The following FBXO21 variants were observed in gnomAD, a reference collection of about 807,000 sequenced individuals.
FBXO21 encodes the protein F-box only protein 21.
A neutral mutation model predicts 76.6 loss-of-function variants in FBXO21; 32 were observed. That is an observed-to-expected ratio of 0.42 (90% CI 0.32 to 0.56). The LOEUF (loss-of-function observed/expected upper bound fraction) is 0.56, where lower values mean the gene tolerates loss of function less well. FBXO21 is among the 20% of genes least tolerant of loss of function. The pLI is 0.16. For missense variants in FBXO21, 586 were observed against 797.3 expected (o/e 0.73, Z 3.19); for synonymous variants, 328 against 311.5 (o/e 1.05, Z -0.56).
chr12:117,172,732 G>T, intron 6 of FBXO21, 125 bp from the exon 7 acceptor site: 2 of 953,504 alleles, frequency 2.1e-6, no homozygotes, highest in Non-Finnish European at 3.0e-6. Flanking sequence ...GCTTAAGTGA[G>T]TATTTCACTT....
Position 117,177,502 on chromosome 12 carries a change from A to T in FBXO21, c.592+18T>A, listed in dbSNP as rs774501635. On this transcript the variant is annotated intron_variant, in intron 4 of 11. Coordinates refer to ENST00000622495, the MANE Select transcript of FBXO21 (RefSeq NM_015002.3). ...CCTACAGAAATACTACTGTCCACAT[A>T]TATGGGAAAAGACCCACCTTCAAGA... 4.3e-6 allele frequency: 7 copies of T among 1,609,280 alleles called. No homozygotes were observed. The highest frequency in any genetic ancestry group is 1.7e-4 in the Middle Eastern group (1 of 6,034).
At position 117,144,500 on chromosome 12, in the gene FBXO21, T is replaced by C. The variant is rs999590541; in HGVS notation, c.*1587A>G. On this transcript the variant is annotated 3_prime_UTR_variant, in exon 12 of 12. Coordinates refer to ENST00000622495, the MANE Select transcript of FBXO21 (RefSeq NM_015002.3). ...TCCCTTGCTATGAAGTGGTCTCAGGTGGCTTTCCAAACCTTGGTCACCCCA... is the reference window on the plus strand; with the variant it reads ...TCCCTTGCTATGAAGTGGTCTCAGGCGGCTTTCCAAACCTTGGTCACCCCA... 2.6e-5 allele frequency: 4 copies of C among 152,216 alleles called. No individual in the cohort carries two copies. The highest frequency in any genetic ancestry group is 9.7e-5 in the African/African-American group (4 of 41,442). The allele number at this position is 152,216 out of a possible 1,614,324, so 9.4% of individuals were successfully genotyped here. A position where few individuals can be genotyped will look rare whatever the true frequency, so the allele number is the denominator to read the frequency against.
intron 11 of FBXO21, among the ~76,000 whole-genome samples, chr12:117,152,421 G>T (rs1955853851): frequency 6.6e-6 from 1 of 150,388 alleles, no homozygotes; most frequent in African/African-American, 2.5e-5. Context: ...ACTCATGTTT[G>T]TACCACTGCA....
In FBXO21 at chr12:117,144,308, C is replaced by T. The variant is rs1201835231; in HGVS notation, c.*1779G>A. The T allele has an allele frequency of 6.6e-6, 1 of 152,208 alleles. No homozygotes were observed. Among genetic ancestry groups the T allele is most frequent in the Non-Finnish European group, 1.5e-5 (1 of 68,048 alleles). 9.4% of individuals were successfully genotyped at this position (152,208 alleles called of 1,614,324 possible). ...GAAAGTAGTGTACAATCCTCCCAACCTTGGCGGGCCAGGTGCTGTGAGTGG... is the reference window on the plus strand; with the variant it reads ...GAAAGTAGTGTACAATCCTCCCAACTTTGGCGGGCCAGGTGCTGTGAGTGG... On this transcript the variant is annotated 3_prime_UTR_variant, in exon 12 of 12. Transcript: ENST00000622495.
intron 4 of FBXO21, 56 bp downstream of exon 4, chr12:117,177,464 A>C: frequency 1.9e-6 from 3 of 1,540,958 alleles, no homozygotes; most frequent in Non-Finnish European, 2.6e-6. Context: ...GGTCTTAAAA[A>C]ACTAATCAGT....
chr12:117,149,629 ACGCACAGGACGGCCC>A (rs1593056578), intron 11 of FBXO21, among the ~76,000 whole-genome samples: 1 of 152,182 alleles, frequency 6.6e-6, no homozygotes, highest in African/African-American at 2.4e-5. Context: ...GTACCCTACA[ACGCACAGGACGGCCC>A]CCCACAAACG....
chr12:117,161,450 C>T (rs1401472307), intron 9 of FBXO21, among the ~76,000 whole-genome samples: 1 of 151,912 alleles, frequency 6.6e-6, no homozygotes, highest in Non-Finnish European at 1.5e-5. Context: ...AGGGGAGCCA[C>T]CCTGAGGGGT....
chr12:117,174,996 A>T (rs997136269), intron 4 of FBXO21, among the ~76,000 whole-genome samples, 199 bp from the exon 5 acceptor site: 1 of 145,024 alleles, frequency 6.9e-6, no homozygotes. Flanking sequence ...CTTTAACTTT[A>T]AAAAAAAAAA....
intron 11 of FBXO21, among the ~76,000 whole-genome samples, chr12:117,150,238 A>G (rs143187135): frequency 3.9e-5 from 6 of 152,382 alleles, no homozygotes; most frequent in African/African-American, 1.2e-4. Context: ...ACCACTTAAA[A>G]GTTCTGAAAA....
rs1955757924 is a variant in FBXO21, at chr12:117,145,341, T to C, written c.*746A>G. ...AAATCCATTCACAAAGTTCACTATT[T>C]GCATTTTCTAAAAGAATTTTATGTA... On this transcript the variant is annotated 3_prime_UTR_variant, in exon 12 of 12. Transcript: ENST00000622495. 6.6e-6 allele frequency: 1 copy of C among 152,134 alleles called. No homozygotes were observed. Among genetic ancestry groups the C allele is most frequent in the South Asian group, 2.1e-4 (1 of 4,826 alleles). 9.4% of individuals were successfully genotyped at this position (152,134 alleles called of 1,614,324 possible).
chr12:117,172,268 G>T (rs1956125442), intron 7 of FBXO21, among the ~76,000 whole-genome samples: 1 of 152,078 alleles, frequency 6.6e-6, no homozygotes, highest in Admixed American at 6.6e-5. Flanking sequence ...TCCCCTGATG[G>T]TACCATCTTA....
At position 117,185,257 on chromosome 12, in the gene FBXO21, G is replaced by C. The variant is rs1318398238; in HGVS notation, c.470+1220C>G. Among the ~76,000 whole-genome samples the C allele has an allele frequency of 2.0e-5, 3 of 151,760 alleles. No individual in the cohort carries two copies. In the South Asian group the frequency reaches 6.3e-4, roughly 32 times the overall value. ...TAAACCAAAATAGAAATGGAAAAAT[G>C]ACCTCTGCATCTGAACTCATCCAAG... is the stretch of plus-strand genomic sequence containing the variant. On this transcript the variant is annotated intron_variant, in intron 3 of 11. Transcript: ENST00000622495.
At chr12:117,172,434 T>C (rs1302069344) in intron 7 of FBXO21, 37 bp downstream of exon 7, 1 of 1,596,714 alleles carries the variant, frequency 6.3e-7, no homozygotes, top group South Asian at 1.1e-5. Context: ...AGGGACCAAA[T>C]CTTCAGGACC....
rs538169408 is a variant in FBXO21, at chr12:117,164,274, CTTTTTTTTTTT to C, written c.1326+1200_1326+1210del. On this transcript the variant is annotated intron_variant, in intron 9 of 11. Coordinates refer to ENST00000622495, the MANE Select transcript of FBXO21 (RefSeq NM_015002.3). ...GGCTACAGATGACATCTTTTCTTTTCTTTTTTTTTTTTTTTTTTTTGAGACAGAGTCTTGCT... is the reference window on the plus strand; with the variant it reads ...GGCTACAGATGACATCTTTTCTTTTCTTTTTTTTTGAGACAGAGTCTTGCT... 2.4e-5 allele frequency among the ~76,000 whole-genome samples: 3 copies of C among 126,864 alleles called. No homozygotes were observed. The South Asian group carries it at 8.0e-4, about 34-fold the overall frequency. The allele number at this position is 126,864 out of a possible 152,430, so 83.2% of individuals were successfully genotyped here.
At chr12:117,161,915 GA>G (rs1475208250) in intron 9 of FBXO21, among the ~76,000 whole-genome samples, 1 of 152,192 alleles carries the variant, frequency 6.6e-6, no homozygotes. Flanking sequence ...GCAAGATACA[GA>G]AAGAAAAAGT....
At chr12:117,180,259 C>A (rs1217425782) in intron 3 of FBXO21, among the ~76,000 whole-genome samples, 4 of 152,164 alleles carry the variant, frequency 2.6e-5, no homozygotes, top group Non-Finnish European at 5.9e-5. Context: ...ATCTGGAAAC[C>A]AGGGAAGATC....
chr12:117,173,439 G>A (rs1956138000), intron 6 of FBXO21, among the ~76,000 whole-genome samples: 3 of 152,162 alleles, frequency 2.0e-5, no homozygotes, highest in Admixed American at 2.0e-4. Context: ...GGAAAAGTGT[G>A]TACGATATAA....
At chr12:117,150,354 C>G (rs751981621) in intron 11 of FBXO21, among the ~76,000 whole-genome samples, 1 of 152,228 alleles carries the variant, frequency 6.6e-6, no homozygotes, top group Non-Finnish European at 1.5e-5. Context: ...TATGGAAACA[C>G]TACCCATGAG....
chr12:117,150,559 C>T (rs1955825660), intron 11 of FBXO21, among the ~76,000 whole-genome samples: 1 of 152,218 alleles, frequency 6.6e-6, no homozygotes, highest in Admixed American at 6.5e-5. Context: ...TCACCCGCAA[C>T]TGGCTTATTC....
Sources: allele counts gnomAD v4.1 joint callset (sites outside exome capture counted in the v4.1 genomes callset), GRCh38; gene constraint gnomAD v4.1.1; transcripts MANE v1.5; gene names NCBI Gene and HGNC (gene_info 2026-07-23, HGNC 2026-07-21).